The following MCL1 variants were observed in gnomAD, a reference collection of about 807,000 sequenced individuals.
MCL1 encodes the protein MCL1 apoptosis regulator, BCL2 family member.
MCL1 carries 4 observed loss-of-function variants against 24.2 expected under a neutral mutation model. The ratio of observed to expected loss-of-function variants is 0.17; its 90% CI spans 0.08 to 0.38. The LOEUF is 0.38. Ranked by LOEUF, MCL1 falls within the 10% of genes least tolerant of loss-of-function variation. The pLI, the probability that MCL1 is intolerant of heterozygous loss-of-function variation, is 1.00. For synonymous variants in MCL1, 248 were observed against 214.0 expected, an observed-to-expected ratio of 1.16 and a Z score of -1.39; for missense variants, 529 against 480.3, an observed-to-expected ratio of 1.10 and a Z score of -0.95.
Position 150,574,855 on chromosome 1 carries a change from GA to G in MCL1, c.*2519del, listed in dbSNP as rs1176054465. On this transcript the variant is annotated 3_prime_UTR_variant, in exon 3 of 3. Transcript: ENST00000369026. ...CCTTTCCCTTTTGGAGGATTTGCCC[GA>G]ACTACGTAGCCAGTCAGCACTTAGA... 7 of 233,152 alleles carry G rather than the reference GA, an allele frequency of 3.0e-5. No individual in the cohort carries two copies. The highest frequency in any genetic ancestry group is 2.3e-4 in the Admixed American group (4 of 17,752). 14.4% of individuals were successfully genotyped at this position (233,152 alleles called of 1,614,324 possible).
At chr1:150,578,645 G>T in intron 1 of MCL1, 154 bp from the exon 2 acceptor site, 1 of 1,068,292 alleles carries the variant, frequency 9.4e-7, no homozygotes, top group Non-Finnish European at 1.3e-6. Flanking sequence ...TCCGGTCTTT[G>T]AACAAGAGCT....
chr1:150,575,469 C>T lies in MCL1; in HGVS notation c.*1906G>A, dbSNP rs189748465. On this transcript the variant is annotated 3_prime_UTR_variant, in exon 3 of 3. Coordinates refer to ENST00000369026, the MANE Select transcript of MCL1 (RefSeq NM_021960.5). ...CTTTCTGTAAATTTAAGTGAGCATA[C>T]TCCTATACAAAGGAAACTTTAGAGA... The T allele has an allele frequency of 6.4e-4, 149 of 232,968 alleles. 1 individual carries two copies. The highest frequency in any genetic ancestry group is 3.1e-3 in the African/African-American group (142 of 45,442). The allele number at this position is 232,968 out of a possible 1,614,324, so 14.4% of individuals were successfully genotyped here.
At position 150,579,367 on chromosome 1, in the gene MCL1, G is replaced by A. The variant is rs775581615; in HGVS notation, c.164C>T (p.Ala55Val). Residue 55 changes from alanine to valine, a missense_variant, in exon 1 of 3, where the codon GCG becomes GTG. Physicochemically the swap from Ala to Val is moderately conservative, Grantham distance 64. Transcript: ENST00000369026. The part of the protein sequence containing the change: ...RREIGGGEAG[A>V]VIGGSAGASP... The stretch of plus-strand genomic sequence containing the variant: ...TGCGCCGGCGCTTCCGCCAATCACC[G>A]CGCCGGCCTCCCCTCCCCCTATCTC... 2.0e-6 allele frequency: 3 copies of A among 1,491,146 alleles called. No homozygotes were observed. The highest frequency in any genetic ancestry group is 5.3e-5 in the Admixed American group (2 of 37,626). 92.4% of individuals were successfully genotyped at this position (1,491,146 alleles called of 1,614,324 possible). A position where few individuals can be genotyped will look rare whatever the true frequency, so the allele number is the denominator to read the frequency against.
Position 150,578,961 on chromosome 1 carries a change from G to A in MCL1, c.570C>T (p.Ala190=), listed in dbSNP as rs199699332. The A allele has an allele frequency of 2.3e-5, 37 of 1,613,582 alleles. No individual in the cohort carries two copies. Among genetic ancestry groups the A allele is most frequent in the Non-Finnish European group, 3.1e-5 (37 of 1,180,038 alleles). The change falls in exon 1 of 3, where the codon GCC becomes GCT. Residue 190 remains alanine, a synonymous_variant. Coordinates refer to ENST00000369026, the MANE Select transcript of MCL1 (RefSeq NM_021960.5). The part of the protein sequence containing the change: ...EIISRYLREQ[A]TGAKDTKPMG... ...TTGGCTTTGTGTCCTTGGCGCCGGT[G>A]GCCTGCTCCCGAAGGTACCGAGAGA...
rs1290198064 is a variant in MCL1 at position 150,574,723 on chromosome 1, T to A, written c.*2652A>T. Reference sequence around the variant, plus strand: ...ACCAAGGTGTTCACCCCCCACAGAATGTACATGAAACACTAGAGGACTGCA... The same window carrying A: ...ACCAAGGTGTTCACCCCCCACAGAAAGTACATGAAACACTAGAGGACTGCA... On this transcript the variant is annotated 3_prime_UTR_variant, in exon 3 of 3. Coordinates refer to ENST00000369026, the MANE Select transcript of MCL1 (RefSeq NM_021960.5). 2 of 232,986 alleles carry A rather than the reference T, an allele frequency of 8.6e-6. No individual in the cohort carries two copies. The highest frequency in any genetic ancestry group is 1.7e-5 in the Non-Finnish European group (2 of 117,696). The allele number at this position is 232,986 out of a possible 1,614,324, so 14.4% of individuals were successfully genotyped here. A position where few individuals can be genotyped will look rare whatever the true frequency, so the allele number is the denominator to read the frequency against.
In MCL1 at chr1:150,576,641, C is replaced by A. The variant is rs1157045188; in HGVS notation, c.*734G>T. On this transcript the variant is annotated 3_prime_UTR_variant, in exon 3 of 3. Transcript: ENST00000369026. Reference sequence around the variant, plus strand: ...AAAAACTAATGTAAATTCGATACTTCCTTCGTTTCAAAGAAATAGACTTTC... The same window carrying A: ...AAAAACTAATGTAAATTCGATACTTACTTCGTTTCAAAGAAATAGACTTTC... The A allele has an allele frequency of 1.3e-5, 3 of 232,178 alleles. No individual in the cohort carries two copies. Among genetic ancestry groups the A allele is most frequent in the Non-Finnish European group, 2.6e-5 (3 of 117,292 alleles). The allele number at this position is 232,178 out of a possible 1,614,324, so 14.4% of individuals were successfully genotyped here. A position where few individuals can be genotyped will look rare whatever the true frequency, so the allele number is the denominator to read the frequency against.
Position 150,577,266 on chromosome 1 carries a change from G to A in MCL1, c.*109C>T, listed in dbSNP as rs767651113. On this transcript the variant is annotated 3_prime_UTR_variant, in exon 3 of 3. Transcript: ENST00000369026. ...TCTTGCCACTTGCTTTTCTGGCTAG[G>A]TTGCTAGGGTGCAACTCTAGGAAGT... 62 of 1,410,894 alleles carry A rather than the reference G, an allele frequency of 4.4e-5. No homozygotes were observed. Among genetic ancestry groups the A allele is most frequent in the Middle Eastern group, 1.9e-4 (1 of 5,252 alleles). The allele number at this position is 1,410,894 out of a possible 1,614,324, so 87.4% of individuals were successfully genotyped here. A position where few individuals can be genotyped will look rare whatever the true frequency, so the allele number is the denominator to read the frequency against.
At chr1:150,578,021 A>G (rs1313066966) in intron 2 of MCL1, among the ~76,000 whole-genome samples, 1 of 152,188 alleles carries the variant, frequency 6.6e-6, no homozygotes, top group African/African-American at 2.4e-5. Context: ...GGAACAAAAA[A>G]TTGCCTAGAG....
Position 150,574,846 on chromosome 1 carries a change from G to A in MCL1, c.*2529C>T, listed in dbSNP as rs1647719996. 4.3e-6 allele frequency: 1 copy of A among 233,236 alleles called. No individual in the cohort carries two copies. Among genetic ancestry groups the A allele is most frequent in the Non-Finnish European group, 8.5e-6 (1 of 117,982 alleles). The allele number at this position is 233,236 out of a possible 1,614,324, so 14.4% of individuals were successfully genotyped here. On this transcript the variant is annotated 3_prime_UTR_variant, in exon 3 of 3. Transcript: ENST00000369026. ...CAAATCCTCCCTTTCCCTTTTGGAGGATTTGCCCGAACTACGTAGCCAGTC... is the reference window on the plus strand; with the variant it reads ...CAAATCCTCCCTTTCCCTTTTGGAGAATTTGCCCGAACTACGTAGCCAGTC...
At chr1:150,577,789 C>G (rs899834588) in intron 2 of MCL1, among the ~76,000 whole-genome samples, 1 of 152,186 alleles carries the variant, frequency 6.6e-6, no homozygotes, top group Non-Finnish European at 1.5e-5. Flanking sequence ...ATTCTCAAAT[C>G]TCCACCACCT....
Position 150,578,879 on chromosome 1 carries a change from C to A in MCL1, c.652G>T (p.Asp218Tyr), listed in dbSNP as rs367658301. The change falls in exon 1 of 3, where the codon GAT (aspartate) becomes TAT (tyrosine). Residue 218 changes from aspartate to tyrosine, a missense_variant. Coordinates refer to ENST00000369026, the MANE Select transcript of MCL1 (RefSeq NM_021960.5). Reference protein sequence around the residue: ...KALETLRRVGDGVQRNHETAF... With the variant: ...KALETLRRVGYGVQRNHETAF... ...GTCTCGTGGTTGCGCTGCACGCCAT[C>A]CCCAACCCGTCGTAAGGTCTCCAGC... The A allele has an allele frequency of 6.2e-7, 1 of 1,613,766 alleles. No individual in the cohort carries two copies. The highest frequency in any genetic ancestry group is 8.5e-7 in the Non-Finnish European group (1 of 1,179,916).
Position 150,576,057 on chromosome 1 carries a change from A to T in MCL1, c.*1318T>A, listed in dbSNP as rs587724088. ...CTAATAATAGCACCATGGTTAGACT[A>T]GCCTGCTTTTCCAAGCCATCATTTT... On this transcript the variant is annotated 3_prime_UTR_variant, in exon 3 of 3. Coordinates refer to ENST00000369026, the MANE Select transcript of MCL1 (RefSeq NM_021960.5). 4.3e-6 allele frequency: 1 copy of T among 233,682 alleles called. No homozygotes were observed. Among genetic ancestry groups the T allele is most frequent in the East Asian group, 6.0e-5 (1 of 16,572 alleles). The allele number at this position is 233,682 out of a possible 1,614,324, so 14.5% of individuals were successfully genotyped here.
Position 150,579,363 on chromosome 1 carries a change from C to G in MCL1, c.168G>C (p.Val56=), listed in dbSNP as rs932855923. The change falls in exon 1 of 3, where the codon GTG becomes GTC. Residue 56 remains valine, a synonymous_variant. Coordinates refer to ENST00000369026, the MANE Select transcript of MCL1 (RefSeq NM_021960.5). ...REIGGGEAGA[V]IGGSAGASPP... is the part of the protein sequence containing the mutation. ...GGCTTGCGCCGGCGCTTCCGCCAATCACCGCGCCGGCCTCCCCTCCCCCTA... is the reference window on the plus strand; with the variant it reads ...GGCTTGCGCCGGCGCTTCCGCCAATGACCGCGCCGGCCTCCCCTCCCCCTA... 15 of 1,486,672 alleles carry G rather than the reference C, an allele frequency of 1.0e-5. No individual in the cohort carries two copies. The Admixed American group carries it at 1.9e-4, about 19-fold the overall frequency. The allele number at this position is 1,486,672 out of a possible 1,614,324, so 92.1% of individuals were successfully genotyped here.
rs1040372059 is a variant in MCL1 at position 150,575,124 on chromosome 1, GATTA to G, written c.*2247_*2250del. 6.9e-5 allele frequency: 16 copies of G among 233,138 alleles called. No homozygotes were observed. Among genetic ancestry groups the G allele is most frequent in the East Asian group, 6.0e-4 (10 of 16,548 alleles). 14.4% of individuals were successfully genotyped at this position (233,138 alleles called of 1,614,324 possible). ...TTTAGTTACCGTAACCAGATCTTAA[GATTA>G]ATTAAAAACTACATAAAGTGCTTTT... On this transcript the variant is annotated 3_prime_UTR_variant, in exon 3 of 3. Coordinates refer to ENST00000369026, the MANE Select transcript of MCL1 (RefSeq NM_021960.5).
Position 150,576,625 on chromosome 1 carries a change from T to C in MCL1, c.*750A>G, listed in dbSNP as rs143379465. 5 of 232,380 alleles carry C rather than the reference T, an allele frequency of 2.2e-5. No individual in the cohort carries two copies. The highest frequency in any genetic ancestry group is 6.1e-5 in the East Asian group (1 of 16,298). The allele number at this position is 232,380 out of a possible 1,614,324, so 14.4% of individuals were successfully genotyped here. ...TTCAAAAGGGTATGAAAAAAACTAA[T>C]GTAAATTCGATACTTCCTTCGTTTC... is the stretch of plus-strand genomic sequence containing the variant. On this transcript the variant is annotated 3_prime_UTR_variant, in exon 3 of 3. Transcript: ENST00000369026.
Position 150,575,964 on chromosome 1 carries a change from G to A in MCL1, c.*1411C>T. On this transcript the variant is annotated 3_prime_UTR_variant, in exon 3 of 3. Transcript: ENST00000369026. ...CAACAAGGTTTGGGAATCATTAATA[G>A]AAACAAAACAGTAAGTATTTGCTTT... 1 of 233,674 alleles carries A rather than the reference G, an allele frequency of 4.3e-6. No homozygotes were observed. Among genetic ancestry groups the A allele is most frequent in the Non-Finnish European group, 8.5e-6 (1 of 118,052 alleles). The allele number at this position is 233,674 out of a possible 1,614,324, so 14.5% of individuals were successfully genotyped here.
intron 1 of MCL1, 133 bp from the exon 2 acceptor site, chr1:150,578,624 A>T: frequency 8.4e-7 from 1 of 1,184,540 alleles, no homozygotes; most frequent in Non-Finnish European, 1.2e-6. Flanking sequence ...TGAAATTGAC[A>T]TCCCACCCTT....
At position 150,576,252 on chromosome 1, in the gene MCL1, G is replaced by A; in HGVS notation, c.*1123C>T. 1 of 233,024 alleles carries A rather than the reference G, an allele frequency of 4.3e-6. No individual in the cohort carries two copies. The highest frequency in any genetic ancestry group is 6.1e-5 in the East Asian group (1 of 16,420). The allele number at this position is 233,024 out of a possible 1,614,324, so 14.4% of individuals were successfully genotyped here. A position where few individuals can be genotyped will look rare whatever the true frequency, so the allele number is the denominator to read the frequency against. ...TTCACCAGTTAAATTAGGTCAAATG[G>A]AAGGAACTCAAATGAGTATTGCCCA... is the stretch of plus-strand genomic sequence containing the variant. On this transcript the variant is annotated 3_prime_UTR_variant, in exon 3 of 3. Coordinates refer to ENST00000369026, the MANE Select transcript of MCL1 (RefSeq NM_021960.5).
intron 2 of MCL1, 117 bp downstream of exon 2, chr1:150,578,127 T>C: frequency 8.9e-7 from 1 of 1,119,162 alleles, no homozygotes; most frequent in Admixed American, 2.3e-5. Flanking sequence ...GGTCCTTTAG[T>C]TAGAGCCTGC....
Sources: allele counts gnomAD v4.1 joint callset (sites outside exome capture counted in the v4.1 genomes callset), GRCh38; gene constraint gnomAD v4.1.1; transcripts MANE v1.5; gene names NCBI Gene and HGNC (gene_info 2026-07-23, HGNC 2026-07-21).